The following UTRN variants were observed in gnomAD, a reference collection of about 807,000 sequenced individuals.
The protein encoded by UTRN is utrophin.
In UTRN, 283 loss-of-function variants were observed where a neutral mutation model predicts 463.9. The observed-to-expected ratio is 0.61, with a 90% CI of 0.55 to 0.67. UTRN has a LOEUF of 0.67. Ranked by LOEUF, UTRN falls within the 30% of genes least tolerant of loss-of-function variation. The pLI is 0.00. For synonymous variants in UTRN, 1,442 were observed against 1,431.5 expected (o/e 1.01, Z -0.17); for missense variants, 3,922 against 4,084.3 (o/e 0.96, Z 1.08).
At chr6:144,348,646 A>G (rs1777813166) in intron 2 of UTRN, among the ~76,000 whole-genome samples, 1 of 152,214 alleles carries the variant, frequency 6.6e-6, no homozygotes, top group Non-Finnish European at 1.5e-5. Flanking sequence ...ATGTGAAAGA[A>G]AAGAATCGGC....
chr6:144,723,440 T>C (rs1294613166), intron 53 of UTRN, among the ~76,000 whole-genome samples: 1 of 152,226 alleles, frequency 6.6e-6, no homozygotes, highest in African/African-American at 2.4e-5. Context: ...AAGCATTTAT[T>C]GAGTGCTTTC....
intron 53 of UTRN, among the ~76,000 whole-genome samples, chr6:144,729,415 G>T (rs1788281454): frequency 6.6e-6 from 1 of 152,148 alleles, no homozygotes; most frequent in Non-Finnish European, 1.5e-5. Context: ...CAAAAGGAAA[G>T]ATTTTATTCA....
At chr6:144,378,734 T>A (rs1780669908) in intron 2 of UTRN, among the ~76,000 whole-genome samples, 1 of 152,120 alleles carries the variant, frequency 6.6e-6, no homozygotes, top group African/African-American at 2.4e-5. Flanking sequence ...CATGTTAATT[T>A]AGTTGTTCCA....
At chr6:144,661,797 C>G (rs1437873104) in intron 51 of UTRN, among the ~76,000 whole-genome samples, 1 of 152,146 alleles carries the variant, frequency 6.6e-6, no homozygotes, top group Non-Finnish European at 1.5e-5. Context: ...AAGTCTAGGT[C>G]AGATACCAGG....
chr6:144,557,068 T>C (rs754868803), intron 49 of UTRN, 89 bp from the exon 50 acceptor site: 1 of 1,471,458 alleles, frequency 6.8e-7, no homozygotes, highest in Non-Finnish European at 9.1e-7. Flanking sequence ...ATCTAAAGCA[T>C]GTCAAAATCT....
In UTRN at chr6:144,612,773, G is replaced by A. The variant is rs149216216; in HGVS notation, c.7479+35485G>A. Among the ~76,000 whole-genome samples the A allele has an allele frequency of 2.6e-5, 4 of 152,164 alleles. No individual in the cohort carries two copies. The East Asian group carries it at 5.8e-4, about 22-fold the overall frequency. On this transcript the variant is annotated intron_variant, in intron 51 of 74. Transcript: ENST00000367545. ...GTGAGTGGGAATGTAAATTAGTATA[G>A]CCATTATGTAAAATGGTATGAAGGT...
chr6:144,480,084 T>C, intron 26 of UTRN, 102 bp downstream of exon 26: 1 of 1,328,366 alleles, frequency 7.5e-7, no homozygotes, highest in African/African-American at 1.5e-5. Context: ...TATGTGCATG[T>C]AGCATCTTTC....
intron 65 of UTRN, among the ~76,000 whole-genome samples, chr6:144,816,805 C>G (rs1206149189): frequency 1.3e-5 from 2 of 149,274 alleles, no homozygotes; most frequent in Non-Finnish European, 1.5e-5. Context: ...GTCTCGAACT[C>G]CTGAGTTGAA....
rs561842296 is a variant in UTRN at position 144,836,548 on chromosome 6, T to G, written c.10065+7T>G. The G allele has an allele frequency of 2.5e-5, 41 of 1,612,500 alleles. No homozygotes were observed. In the East Asian group the frequency reaches 7.1e-4, roughly 28 times the overall value. ...CCGACAGCTGCTGGAGCAGGTAGGG[T>G]GTGTAGAATTCAGCGTCACACCTCC... On this transcript the variant is annotated splice_region_variant and intron_variant, in intron 71 of 74. Transcript: ENST00000367545.
chr6:144,560,534 A>G (rs2128617081), intron 50 of UTRN, among the ~76,000 whole-genome samples: 1 of 152,158 alleles, frequency 6.6e-6, no homozygotes. Context: ...TTCTTTATAT[A>G]CATCATTGTC....
intron 51 of UTRN, among the ~76,000 whole-genome samples, chr6:144,638,182 A>G (rs1585715296): frequency 6.6e-6 from 1 of 152,344 alleles, no homozygotes; most frequent in East Asian, 1.9e-4. Context: ...ACTGTTTTAA[A>G]AAAACCACTA....
intron 51 of UTRN, among the ~76,000 whole-genome samples, chr6:144,597,511 G>A (rs746087399): frequency 2.6e-5 from 4 of 152,098 alleles, no homozygotes; most frequent in African/African-American, 7.2e-5. Context: ...TCTAAAATTC[G>A]ATATAGTAGG....
At chr6:144,461,575 T>G (rs1789417347) in intron 22 of UTRN, among the ~76,000 whole-genome samples, 2 of 152,264 alleles carry the variant, frequency 1.3e-5, no homozygotes, top group African/African-American at 4.8e-5. Flanking sequence ...TGTGATTAGC[T>G]TAAAATTCTC....
intron 2 of UTRN, among the ~76,000 whole-genome samples, chr6:144,376,591 C>T (rs1268140802): frequency 6.6e-6 from 1 of 152,082 alleles, no homozygotes; most frequent in East Asian, 1.9e-4. Flanking sequence ...CTACCATGCC[C>T]AGGCTTCCCA....
intron 73 of UTRN, among the ~76,000 whole-genome samples, chr6:144,842,540 G>A (rs963222867): frequency 6.6e-6 from 1 of 152,134 alleles, no homozygotes; most frequent in South Asian, 2.1e-4. Context: ...AGTGAGTTGA[G>A]ATCATGCCAC....
At chr6:144,797,088 G>A (rs1333891332) in intron 63 of UTRN, among the ~76,000 whole-genome samples, 1 of 152,114 alleles carries the variant, frequency 6.6e-6, no homozygotes, top group African/African-American at 2.4e-5. Flanking sequence ...GACTAGAGCA[G>A]GACACACAAA....
chr6:144,776,263 G>A (rs749701280), intron 60 of UTRN, among the ~76,000 whole-genome samples: 6 of 152,124 alleles, frequency 3.9e-5, no homozygotes, highest in East Asian at 3.9e-4. Context: ...AATCCTACCC[G>A]TCTCCACATT....
chr6:144,833,321 T>C lies in UTRN; in HGVS notation c.9666-2459T>C, dbSNP rs113361041. 3.9e-5 allele frequency among the ~76,000 whole-genome samples: 6 copies of C among 152,332 alleles called. 1 individual carries two copies. The highest frequency in any genetic ancestry group is 1.4e-4 in the African/African-American group (6 of 41,580). On this transcript the variant is annotated intron_variant, in intron 69 of 74. Coordinates refer to ENST00000367545, the MANE Select transcript of UTRN (RefSeq NM_007124.3). ...GATGGATAGGTTAGGACTGTAGATATTGCTCCATTGTCTTTGGACATTTAA... is the reference window on the plus strand; with the variant it reads ...GATGGATAGGTTAGGACTGTAGATACTGCTCCATTGTCTTTGGACATTTAA...
intron 51 of UTRN, among the ~76,000 whole-genome samples, chr6:144,629,761 T>G (rs1776318318): frequency 6.6e-6 from 1 of 152,232 alleles, no homozygotes; most frequent in African/African-American, 2.4e-5. Context: ...ATGATTTAGA[T>G]ATGTGAAAGA....
Sources: allele counts gnomAD v4.1 joint callset (sites outside exome capture counted in the v4.1 genomes callset), GRCh38; gene constraint gnomAD v4.1.1; transcripts MANE v1.5; gene names NCBI Gene and HGNC (gene_info 2026-07-23, HGNC 2026-07-21).